The following KLC4 variants were observed in gnomAD, a reference collection of about 807,000 sequenced individuals.
KLC4 encodes the protein kinesin light chain 4.
In KLC4, 49 loss-of-function variants were observed where a neutral mutation model predicts 77.2. The observed-to-expected ratio is 0.63, with a 90% CI of 0.50 to 0.80. The LOEUF (loss-of-function observed/expected upper bound fraction) is 0.80. Ranked by LOEUF, KLC4 falls within the 30% of genes least tolerant of loss-of-function variation. The pLI is 0.00. For missense variants in KLC4, 669 were observed against 793.5 expected (o/e 0.84, Z 1.89); for synonymous variants, 274 against 314.5 (o/e 0.87, Z 1.36).
At chr6:43,070,926 A>AGGGGGGGCAACAGAGGGGGGGGGG in intron 8 of KLC4, 61 bp downstream of exon 8, 1 of 103,834 alleles carries the variant, frequency 9.6e-6, no homozygotes, top group South Asian at 9.4e-5. Context: ...AGGTGGGGGG[A>AGGGGGGGCAACAGAGGGGGGGGGG]GGGGGGGCAG....
At chr6:43,070,928 G>GA in intron 8 of KLC4, 63 bp downstream of exon 8, 1 of 485,462 alleles carries the variant, frequency 2.1e-6, no homozygotes, top group South Asian at 2.0e-5. Flanking sequence ...GTGGGGGGAG[G>GA]GGGGGCAGGC....
chr6:43,073,426 G>A (rs1394844595), intron 14 of KLC4, 88 bp downstream of exon 14: 4 of 873,806 alleles, frequency 4.6e-6, no homozygotes, highest in Admixed American at 2.1e-5. Flanking sequence ...CGAGGCGGGT[G>A]GATCACCTGA....
intron 8 of KLC4, among the ~76,000 whole-genome samples, 194 bp from the exon 9 acceptor site, chr6:43,071,081 G>A (rs1192939366): frequency 6.6e-6 from 1 of 151,964 alleles, no homozygotes; most frequent in Non-Finnish European, 1.5e-5. Context: ...AGCTTCTTGG[G>A]AGTGGGCTGG....
chr6:43,072,317 GA>G (rs1765775185), intron 12 of KLC4, 62 bp downstream of exon 12: 2 of 1,291,270 alleles, frequency 1.5e-6, no homozygotes, highest in African/African-American at 2.9e-5. Flanking sequence ...AGAGAGTGCC[GA>G]GGTTTCTTGG....
Position 43,060,438 on chromosome 6 carries a change from G to A in KLC4, c.-26+753G>A, listed in dbSNP as rs1335763010. ...GAGGGAGGGTGTTTGTCCTGGGTGGGGCTCTGGGCCAGGTCCTCTGGGTAG... is the reference window on the plus strand; with the variant it reads ...GAGGGAGGGTGTTTGTCCTGGGTGGAGCTCTGGGCCAGGTCCTCTGGGTAG... On this transcript the variant is annotated intron_variant, in intron 1 of 15. Transcript: ENST00000347162. 5 of 1,445,722 alleles carry A rather than the reference G, an allele frequency of 3.5e-6. No homozygotes were observed. The Admixed American group carries it at 1.1e-4, about 32-fold the overall frequency. The allele number at this position is 1,445,722 out of a possible 1,614,324, so 89.6% of individuals were successfully genotyped here.
At chr6:43,073,723 G>T (rs1254822418) in intron 14 of KLC4, 179 bp from the exon 15 acceptor site, 2 of 611,180 alleles carry the variant, frequency 3.3e-6, no homozygotes, top group Non-Finnish European at 5.8e-6. Flanking sequence ...ACTCCTCTTG[G>T]CTCCTGATCT....
At chr6:43,060,142 T>C (rs1765065949) in intron 1 of KLC4, 4 of 1,599,852 alleles carry the variant, frequency 2.5e-6, no homozygotes, top group Non-Finnish European at 3.4e-6. Context: ...TCATCGGGCA[T>C]TGTGGAGGCA....
At chr6:43,059,911 T>C (rs1205488142) in intron 1 of KLC4, 1 of 1,254,176 alleles carries the variant, frequency 8.0e-7, no homozygotes, top group African/African-American at 1.6e-5. Context: ...CTCGGGGTCG[T>C]TAGGCCTCCA....
chr6:43,060,850 T>A (rs1765109831), intron 1 of KLC4, among the ~76,000 whole-genome samples: 2 of 152,214 alleles, frequency 1.3e-5, no homozygotes, highest in South Asian at 4.2e-4. Flanking sequence ...TCTTCCCTGA[T>A]TTAACTTTGC....
In KLC4 at chr6:43,070,640, G is replaced by A. The variant is rs900817599; in HGVS notation, c.982-52G>A. ...CCTACATGCAAACACACGTGTGCTT[G>A]TGCACACACATGTTATCATAGCCAT... On this transcript the variant is annotated intron_variant, in intron 7 of 15. Transcript: ENST00000347162. 4.5e-6 allele frequency: 7 copies of A among 1,548,686 alleles called. No individual in the cohort carries two copies. In the Admixed American group the frequency reaches 8.5e-5, roughly 19 times the overall value.
Position 43,070,762 on chromosome 6 carries a change from G to A in KLC4, c.1052G>A (p.Gly351Asp). 6.2e-7 allele frequency: 1 copy of A among 1,614,156 alleles called. No individual in the cohort carries two copies. Among genetic ancestry groups the A allele is most frequent in the Non-Finnish European group, 8.5e-7 (1 of 1,180,004 alleles). ...NNLALLCQNQ[G>D]KYEAVERYYQ... Reference sequence around the variant, plus strand: ...CTGGCCCTCTTGTGCCAAAACCAGGGCAAGTATGAGGCCGTGGAACGCTAC... The same window carrying A: ...CTGGCCCTCTTGTGCCAAAACCAGGACAAGTATGAGGCCGTGGAACGCTAC... Residue 351 changes from glycine to aspartate, a missense_variant, in exon 8 of 16, where the codon GGC becomes GAC. Physicochemically the swap from Gly to Asp is moderately conservative, Grantham distance 94. Coordinates refer to ENST00000347162, the MANE Select transcript of KLC4 (RefSeq NM_201521.3).
At position 43,071,753 on chromosome 6, in the gene KLC4, G is replaced by A. The variant is rs1233577939; in HGVS notation, c.1309-99G>A. ...GATGCATGGTGTCCTCCCCAGCCCA[G>A]CCTGCACCCTAGCCCCATGCCACCT... is the stretch of plus-strand genomic sequence containing the variant. On this transcript the variant is annotated intron_variant, in intron 10 of 15. Transcript: ENST00000347162. The A allele has an allele frequency of 3.4e-6, 5 of 1,471,000 alleles. No individual in the cohort carries two copies. In the African/African-American group the frequency reaches 4.1e-5, roughly 12 times the overall value. The allele number at this position is 1,471,000 out of a possible 1,614,324, so 91.1% of individuals were successfully genotyped here.
intron 6 of KLC4, 149 bp downstream of exon 6, chr6:43,067,232 G>A: frequency 7.2e-7 from 1 of 1,380,476 alleles, no homozygotes; most frequent in Non-Finnish European, 9.5e-7. Context: ...TCCAGGCACT[G>A]TCCAGTGATC....
chr6:43,071,654 T>C (rs757407812), intron 10 of KLC4, 35 bp downstream of exon 10: 18 of 1,599,368 alleles, frequency 1.1e-5, no homozygotes, highest in Admixed American at 6.7e-5. Flanking sequence ...CCTGGGGAGC[T>C]CAAGGCTACC....
intron 14 of KLC4, 142 bp from the exon 15 acceptor site, chr6:43,073,760 G>A: frequency 1.4e-6 from 1 of 703,114 alleles, no homozygotes; most frequent in Non-Finnish European, 2.5e-6. Context: ...GAGAGAAACA[G>A]GGAGGAAGTC....
Position 43,074,701 on chromosome 6 carries a change from G to A in KLC4, c.*29G>A, listed in dbSNP as rs1396692383. 2.5e-6 allele frequency: 4 copies of A among 1,598,514 alleles called. No individual in the cohort carries two copies. The highest frequency in any genetic ancestry group is 2.6e-6 in the Non-Finnish European group (3 of 1,165,806). On this transcript the variant is annotated 3_prime_UTR_variant, in exon 16 of 16. Coordinates refer to ENST00000347162, the MANE Select transcript of KLC4 (RefSeq NM_201521.3). The stretch of plus-strand genomic sequence containing the variant: ...TCAACCCGGCCCCCAGGTCTGCTGG[G>A]TCCCCCCACCCCCACAGCCCTCACA...
chr6:43,073,458 C>G (rs189307646), intron 14 of KLC4, 120 bp downstream of exon 14: 4 of 631,102 alleles, frequency 6.3e-6, no homozygotes, highest in African/African-American at 1.8e-5. Context: ...TGAGACCAGC[C>G]TGGCCAACAA....
Position 43,074,947 on chromosome 6 carries a change from T to C in KLC4, c.*275T>C, listed in dbSNP as rs1171084635. On this transcript the variant is annotated 3_prime_UTR_variant, in exon 16 of 16. Coordinates refer to ENST00000347162, the MANE Select transcript of KLC4 (RefSeq NM_201521.3). Reference sequence around the variant, plus strand: ...ACAAAGCAGGTATGGCCCTCAGAGATGCAGCCTGCTGCTGGCTTTTCAGTC... The same window carrying C: ...ACAAAGCAGGTATGGCCCTCAGAGACGCAGCCTGCTGCTGGCTTTTCAGTC... 2.0e-5 allele frequency: 9 copies of C among 439,058 alleles called. No homozygotes were observed. Among genetic ancestry groups the C allele is most frequent in the Non-Finnish European group, 3.7e-5 (9 of 241,658 alleles). The allele number at this position is 439,058 out of a possible 1,614,324, so 27.2% of individuals were successfully genotyped here. A position where few individuals can be genotyped will look rare whatever the true frequency, so the allele number is the denominator to read the frequency against.
chr6:43,072,297 C>T, intron 12 of KLC4, 42 bp downstream of exon 12: 1 of 1,474,374 alleles, frequency 6.8e-7, no homozygotes. Context: ...AGGGAAGGGC[C>T]CTGGGGATGA....
Sources: gnomAD v4.1 joint callset for allele counts (sites outside exome capture counted in the v4.1 genomes callset) on GRCh38, gnomAD v4.1.1 for gene constraint, MANE v1.5 for transcripts, NCBI Gene and HGNC (gene_info 2026-07-23, HGNC 2026-07-21) for gene names.